ABLIM1: variants seen among roughly 807,000 people sequenced by gnomAD.
ABLIM1 encodes actin binding LIM protein 1, also known as actin-binding LIM protein 1.
Under a neutral mutation model 107.0 loss-of-function variants are expected in ABLIM1, and 40 were observed. The observed-to-expected ratio is 0.37, with a 90% CI of 0.29 to 0.49. The LOEUF is 0.49. ABLIM1 is among the 20% of genes least tolerant of loss of function. The pLI is 0.97. For synonymous variants in ABLIM1, 357 were observed against 357.3 expected (o/e 1.00, Z 0.01); for missense variants, 857 against 1,008.5 (o/e 0.85, Z 2.04).
chr10:114,592,631 C>T (rs1038994568), intron 2 of ABLIM1, among the ~76,000 whole-genome samples: 1 of 152,208 alleles, frequency 6.6e-6, no homozygotes, highest in Admixed American at 6.5e-5. Context: ...CGCTAAAATT[C>T]TTAATCCAGG....
intron 3 of ABLIM1, among the ~76,000 whole-genome samples, chr10:114,574,330 A>C (rs1474054514): frequency 1.3e-5 from 2 of 152,222 alleles, no homozygotes; most frequent in Non-Finnish European, 2.9e-5. Context: ...ACCTATCTTA[A>C]GTTTTATAAC....
chr10:114,619,169 TTTTC>T lies in ABLIM1; in HGVS notation c.245-17212_245-17209del, dbSNP rs1274640957. On this transcript the variant is annotated intron_variant, in intron 1 of 22. Transcript: ENST00000533213. This position sits in a 1 kb window ranked among gnomAD's most constrained non-coding sequence, Gnocchi z 4.1. ...CTCTCCAAAGCCCTTAAATTATATT[TTTTC>T]TTTTTTTTTTCTTTCTCTTTCTTTC... Among the ~76,000 whole-genome samples, 1 of 151,742 alleles carries T rather than the reference TTTTC, an allele frequency of 6.6e-6. No individual in the cohort carries two copies. The highest frequency in any genetic ancestry group is 1.5e-5 in the Non-Finnish European group (1 of 67,958).
rs1456406596 is a variant in ABLIM1, at chr10:114,432,676, G to C, written c.*3584C>G. On this transcript the variant is annotated 3_prime_UTR_variant, in exon 23 of 23. Transcript: ENST00000533213. ...TACTGGATTGGGATGGAGAGGATGA[G>C]AACTGAAAAAGAACTGCTCCAGCCT... 1 of 152,156 alleles carries C rather than the reference G, an allele frequency of 6.6e-6. No homozygotes were observed. Among genetic ancestry groups the C allele is most frequent in the Non-Finnish European group, 1.5e-5 (1 of 68,018 alleles). The allele number at this position is 152,156 out of a possible 1,614,324, so 9.4% of individuals were successfully genotyped here. A position where few individuals can be genotyped will look rare whatever the true frequency, so the allele number is the denominator to read the frequency against.
At chr10:114,462,682 C>T (rs184384945) in intron 12 of ABLIM1, among the ~76,000 whole-genome samples, 41 of 151,984 alleles carry the variant, frequency 2.7e-4, no homozygotes, top group Non-Finnish European at 3.7e-4. Context: ...AGACACGTTG[C>T]GTATTGAACC....
At chr10:114,598,199 G>A (rs1209555320) in intron 2 of ABLIM1, among the ~76,000 whole-genome samples, 10 of 146,438 alleles carry the variant, frequency 6.8e-5, no homozygotes, top group African/African-American at 1.5e-4. Context: ...GCTTGAACCC[G>A]GAAGGCGGAG....
intron 1 of ABLIM1, among the ~76,000 whole-genome samples, chr10:114,604,148 G>T (rs2076247287): frequency 6.6e-6 from 1 of 152,088 alleles, no homozygotes; most frequent in South Asian, 2.1e-4. Context: ...TCAGTGAAGT[G>T]AGTAATACTG....
At chr10:114,791,880 C>A in the ABLIM1 span, among the ~76,000 whole-genome samples, 1 of 152,144 alleles carries the variant, frequency 6.6e-6, no homozygotes, top group African/African-American at 2.4e-5. Context: ...TTGCAGTATG[C>A]CTTATGTAAT....
chr10:114,497,665 G>C (rs2059869695), intron 6 of ABLIM1, among the ~76,000 whole-genome samples: 1 of 115,306 alleles, frequency 8.7e-6, no homozygotes, highest in South Asian at 3.2e-4. Flanking sequence ...CTGGGCAACA[G>C]AGCCGGATTC....
intron 6 of ABLIM1, among the ~76,000 whole-genome samples, chr10:114,539,766 A>G (rs1398368834): frequency 6.6e-6 from 1 of 152,162 alleles, no homozygotes; most frequent in Non-Finnish European, 1.5e-5. Context: ...AAAGATGGGA[A>G]GAAATGCATT....
At chr10:114,719,777 G>A (rs954340426) in intron 1 of ABLIM1, among the ~76,000 whole-genome samples, 3 of 152,032 alleles carry the variant, frequency 2.0e-5, no homozygotes, top group Non-Finnish European at 4.4e-5. Context: ...GTCTTCCCAG[G>A]GCTAATTAAA....
intron 3 of ABLIM1, among the ~76,000 whole-genome samples, chr10:114,573,494 A>G (rs1473307475): frequency 6.6e-6 from 1 of 152,218 alleles, no homozygotes; most frequent in Non-Finnish European, 1.5e-5. Context: ...TTTTATCATT[A>G]TACCAACTTC....
chr10:114,699,058 G>A (rs1359256363), intron 1 of ABLIM1, among the ~76,000 whole-genome samples: 2 of 136,712 alleles, frequency 1.5e-5, no homozygotes, highest in Admixed American at 8.0e-5. Flanking sequence ...ATGATTCAGA[G>A]CCTGGACGAT....
intron 6 of ABLIM1, among the ~76,000 whole-genome samples, chr10:114,512,977 CA>C (rs1212636324): frequency 2.0e-5 from 3 of 151,798 alleles, no homozygotes; most frequent in Non-Finnish European, 4.4e-5. Context: ...ACTTATATAC[CA>C]AAACTCGAGA....
intron 1 of ABLIM1, among the ~76,000 whole-genome samples, chr10:114,667,859 A>T (rs1293299872): frequency 6.6e-6 from 1 of 152,194 alleles, no homozygotes; most frequent in Non-Finnish European, 1.5e-5. Context: ...ATGTACCCCA[A>T]TGCAAAAATA....
At position 114,598,546 on chromosome 10, in the gene ABLIM1, C is replaced by T. The variant is rs559566497; in HGVS notation, c.379+3281G>A. 2.6e-5 allele frequency among the ~76,000 whole-genome samples: 4 copies of T among 152,170 alleles called. No homozygotes were observed. In the East Asian group the frequency reaches 7.7e-4, roughly 29 times the overall value. ...GAGTTTGCAGTGAGCTGAGATCACG[C>T]CATTGCACTCCAGCCTGGCAACAGA... On this transcript the variant is annotated intron_variant, in intron 2 of 22. Transcript: ENST00000533213.
chr10:114,460,621 AT>A (rs1309677817), intron 12 of ABLIM1, among the ~76,000 whole-genome samples: 1 of 152,162 alleles, frequency 6.6e-6, no homozygotes, highest in Non-Finnish European at 1.5e-5. Context: ...AAAAAAAGCA[AT>A]TTAAGAGCAC....
chr10:114,592,696 G>T (rs981324064), intron 2 of ABLIM1, among the ~76,000 whole-genome samples: 1 of 152,104 alleles, frequency 6.6e-6, no homozygotes, highest in African/African-American at 2.4e-5. Context: ...AATGATAAAT[G>T]GTCAGATTTT....
intron 1 of ABLIM1, among the ~76,000 whole-genome samples, chr10:114,618,061 GGT>G (rs1461984922): frequency 6.6e-6 from 1 of 152,158 alleles, no homozygotes; most frequent in Non-Finnish European, 1.5e-5. Context: ...CTCAACTTTT[GGT>G]GTTTTTTCTT....
intron 12 of ABLIM1, among the ~76,000 whole-genome samples, chr10:114,459,990 A>G (rs2063536493): frequency 6.6e-6 from 1 of 152,230 alleles, no homozygotes; most frequent in Non-Finnish European, 1.5e-5. Flanking sequence ...AAAAGTAAAT[A>G]TTTCTTAATT....
Sources: gnomAD v4.1 joint callset for allele counts (sites outside exome capture counted in the v4.1 genomes callset) on GRCh38, gnomAD v4.1.1 for gene constraint, Gnocchi (gnomAD v3.1) non-coding constraint, MANE v1.5 for transcripts, NCBI Gene and HGNC (gene_info 2026-07-23, HGNC 2026-07-21) for gene names.